The following MTHFD2L variants were observed in gnomAD, a reference collection of about 807,000 sequenced individuals.
The protein encoded by MTHFD2L is methylenetetrahydrofolate dehydrogenase (NADP+ dependent) 2 like, also known as bifunctional methylenetetrahydrofolate dehydrogenase/cyclohydrolase 2, mitochondrial.
In MTHFD2L, 29 loss-of-function variants were observed where a neutral mutation model predicts 34.9. That is an observed-to-expected ratio of 0.83 (90% CI 0.62 to 1.13). MTHFD2L has a LOEUF of 1.13. Ranked by LOEUF, MTHFD2L falls within the 50% of genes most tolerant of loss-of-function variation. MTHFD2L has a pLI of 0.00. For missense variants in MTHFD2L, 481 were observed against 446.5 expected (o/e 1.08, Z -0.70); for synonymous variants, 167 against 155.7 (o/e 1.07, Z -0.54).
At chr4:74,200,981 C>A (rs1434542434) in intron 4 of MTHFD2L, among the ~76,000 whole-genome samples, 1 of 152,112 alleles carries the variant, frequency 6.6e-6, no homozygotes, top group East Asian at 1.9e-4. Context: ...AAACTCTACT[C>A]TTCTAACTCT....
chr4:74,137,567 C>A (rs553390368), intron 1 of MTHFD2L, among the ~76,000 whole-genome samples: 31 of 152,182 alleles, frequency 2.0e-4, no homozygotes, highest in Non-Finnish European at 3.2e-4. Context: ...CTTCAAAAAA[C>A]TGAAAATAGA....
chr4:74,121,481 C>T (rs1489888172), upstream of MTHFD2L, among the ~76,000 whole-genome samples: 1 of 150,490 alleles, frequency 6.6e-6, no homozygotes, highest in Non-Finnish European at 1.5e-5. Flanking sequence ...AAGCAATATA[C>T]TGCAGGTGTC....
At chr4:74,151,230 T>C (rs567772729) in intron 1 of MTHFD2L, among the ~76,000 whole-genome samples, 20 of 152,304 alleles carry the variant, frequency 1.3e-4, no homozygotes, top group African/African-American at 4.6e-4. Context: ...GGTAGTCACA[T>C]TAATTATCAT....
intron 6 of MTHFD2L, among the ~76,000 whole-genome samples, chr4:74,237,376 C>T (rs1371601598): frequency 3.3e-5 from 5 of 152,066 alleles, no homozygotes; most frequent in African/African-American, 4.8e-5. Context: ...CGGTTAGGCA[C>T]GGTGGCTCAA....
rs146006057 is a variant in MTHFD2L, at chr4:74,228,474, T to C, written c.805+3080T>C. Among the ~76,000 whole-genome samples the C allele has an allele frequency of 6.0e-3, 920 of 152,308 alleles. 10 individuals carry two copies. Among genetic ancestry groups the C allele is most frequent in the African/African-American group, 0.021 (861 of 41,560 alleles). ...GTCCTTAGATAACATTTATCAAATA[T>C]TATATTGAATGAGTATTTTATTCTA... is the stretch of plus-strand genomic sequence containing the variant. On this transcript the variant is annotated intron_variant, in intron 6 of 7. Coordinates refer to ENST00000325278, the MANE Select transcript of MTHFD2L (RefSeq NM_001144978.3).
At chr4:74,184,189 T>C (rs1252562524) in intron 3 of MTHFD2L, among the ~76,000 whole-genome samples, 1 of 152,206 alleles carries the variant, frequency 6.6e-6, no homozygotes, top group Admixed American at 6.5e-5. Context: ...TTAAATTTAT[T>C]CCTAGAAAAT....
chr4:74,201,150 A>C (rs1467412611), intron 4 of MTHFD2L, 113 bp from the exon 5 acceptor site: 1 of 686,836 alleles, frequency 1.5e-6, no homozygotes, highest in Non-Finnish European at 2.4e-6. Flanking sequence ...TAAGCCACAT[A>C]ATAATTCAGA....
intron 6 of MTHFD2L, among the ~76,000 whole-genome samples, chr4:74,252,328 C>A (rs911572466): frequency 2.6e-5 from 4 of 151,266 alleles, no homozygotes; most frequent in African/African-American, 9.7e-5. Flanking sequence ...CGGCAAGAGA[C>A]CAGGATCCTG....
chr4:74,118,477 A>G (rs2109767964), upstream of MTHFD2L, among the ~76,000 whole-genome samples: 1 of 152,342 alleles, frequency 6.6e-6, no homozygotes, highest in South Asian at 2.1e-4. Flanking sequence ...TATGGACTGA[A>G]TTGCATTCCC....
At chr4:74,187,558 CAA>C (rs1358617864) in intron 3 of MTHFD2L, among the ~76,000 whole-genome samples, 1 of 152,018 alleles carries the variant, frequency 6.6e-6, no homozygotes, top group Non-Finnish European at 1.5e-5. Context: ...AAAGTATTAA[CAA>C]GATACTACTG....
intron 3 of MTHFD2L, among the ~76,000 whole-genome samples, chr4:74,190,898 ATTTTTGT>A: frequency 6.6e-6 from 1 of 151,910 alleles, no homozygotes; most frequent in East Asian, 1.9e-4. Context: ...TTATATATTC[ATTTTTGT>A]TTTTTGTTTT....
intron 1 of MTHFD2L, among the ~76,000 whole-genome samples, chr4:74,138,890 A>G (rs1211247183): frequency 2.0e-5 from 3 of 152,112 alleles, no homozygotes; most frequent in African/African-American, 7.2e-5. Context: ...GGCGATATAG[A>G]TTTGACTATT....
chr4:74,128,320 A>G (rs1057015115), intron 1 of MTHFD2L, among the ~76,000 whole-genome samples: 2 of 151,962 alleles, frequency 1.3e-5, no homozygotes, highest in African/African-American at 2.4e-5. Flanking sequence ...TGTTTCCCCA[A>G]TGTTTTCTTC....
intron 1 of MTHFD2L, among the ~76,000 whole-genome samples, chr4:74,164,404 A>T (rs1726191525): frequency 6.6e-6 from 1 of 152,212 alleles, no homozygotes; most frequent in South Asian, 2.1e-4. Flanking sequence ...TTATTAAATA[A>T]ATCATTTGAT....
At chr4:74,153,943 T>C (rs1724095011), upstream of MTHFD2L, among the ~76,000 whole-genome samples, 1 of 152,212 alleles carries the variant, frequency 6.6e-6, no homozygotes, top group African/African-American at 2.4e-5. Context: ...TTCTTCGTTT[T>C]TCTGTAATGC....
intron 7 of MTHFD2L, among the ~76,000 whole-genome samples, chr4:74,294,429 G>A (rs1248494784): frequency 6.6e-6 from 1 of 152,054 alleles, no homozygotes; most frequent in Non-Finnish European, 1.5e-5. Flanking sequence ...GTTTCCAAAT[G>A]AAGCAATGAC....
chr4:74,163,008 C>T (rs905758120), intron 1 of MTHFD2L, among the ~76,000 whole-genome samples: 1 of 151,950 alleles, frequency 6.6e-6, no homozygotes, highest in Non-Finnish European at 1.5e-5. Flanking sequence ...AACCTGGGAC[C>T]TTATGGATAG....
intron 1 of MTHFD2L, among the ~76,000 whole-genome samples, chr4:74,168,831 C>T (rs931233573): frequency 1.3e-5 from 2 of 152,178 alleles, no homozygotes; most frequent in Non-Finnish European, 2.9e-5. Context: ...AGGGGCTGAA[C>T]ATTTGAATTG....
chr4:74,284,713 T>C (rs1268670996), intron 7 of MTHFD2L, among the ~76,000 whole-genome samples: 1 of 152,072 alleles, frequency 6.6e-6, no homozygotes, highest in East Asian at 1.9e-4. Flanking sequence ...GGAGAGGATA[T>C]GGAGAAATAG....
Sources: gnomAD v4.1 joint callset for allele counts (sites outside exome capture counted in the v4.1 genomes callset) on GRCh38, gnomAD v4.1.1 for gene constraint, MANE v1.5 for transcripts, NCBI Gene and HGNC (gene_info 2026-07-23, HGNC 2026-07-21) for gene names.